SLMAP: variants seen among roughly 807,000 people sequenced by gnomAD.
SLMAP encodes the protein sarcolemmal membrane-associated protein.
In SLMAP, 44 loss-of-function variants were observed where a neutral mutation model predicts 128.8. That is an observed-to-expected ratio of 0.34 (90% CI 0.27 to 0.44). The LOEUF is 0.44. Ranked by LOEUF, SLMAP falls within the 20% of genes least tolerant of loss-of-function variation. The probability of loss-of-function intolerance (pLI) is 1.00; values close to 1 mark genes in which losing one functional copy is unlikely to be tolerated. For missense variants in SLMAP, 787 were observed against 985.3 expected (o/e 0.80, Z 2.69); for synonymous variants, 327 against 348.8 (o/e 0.94, Z 0.70).
intron 2 of SLMAP, among the ~76,000 whole-genome samples, chr3:57,787,463 G>A (rs2153470502): frequency 6.6e-6 from 1 of 152,202 alleles, no homozygotes; most frequent in Non-Finnish European, 1.5e-5. Flanking sequence ...GAATTATGTA[G>A]CATTTGCTTA....
At chr3:57,919,584 C>T (rs1322858770) in intron 22 of SLMAP, among the ~76,000 whole-genome samples, 4 of 151,778 alleles carry the variant, frequency 2.6e-5, no homozygotes, top group Non-Finnish European at 4.4e-5. Context: ...CACCTGAGGT[C>T]GGCAGTTCGA....
At chr3:57,834,279 G>C (rs1003829389) in intron 3 of SLMAP, among the ~76,000 whole-genome samples, 1 of 151,970 alleles carries the variant, frequency 6.6e-6, no homozygotes, top group Non-Finnish European at 1.5e-5. Flanking sequence ...TTCTACAAGG[G>C]ATAAACAAAC....
intron 2 of SLMAP, among the ~76,000 whole-genome samples, chr3:57,811,988 T>A (rs2153515084): frequency 6.6e-6 from 1 of 152,350 alleles, no homozygotes; most frequent in South Asian, 2.1e-4. Context: ...CCTTATCAAA[T>A]GTATGATTTG....
chr3:57,823,474 G>T (rs796411556), intron 2 of SLMAP, among the ~76,000 whole-genome samples: 1 of 151,162 alleles, frequency 6.6e-6, no homozygotes, highest in African/African-American at 2.4e-5. Context: ...GTGGTGTTTG[G>T]TTTTTTGTCC....
chr3:57,816,986 G>A (rs2091932849), intron 2 of SLMAP, among the ~76,000 whole-genome samples: 2 of 152,194 alleles, frequency 1.3e-5, no homozygotes, highest in African/African-American at 4.8e-5. Context: ...GAGAAAAAGA[G>A]GAAGATTAGG....
intron 14 of SLMAP, among the ~76,000 whole-genome samples, chr3:57,885,638 C>G (rs932359672): frequency 6.6e-6 from 1 of 151,350 alleles, no homozygotes; most frequent in Non-Finnish European, 1.5e-5. Context: ...AGGCTGGTCT[C>G]AAACTCCCGA....
At chr3:57,776,485 C>T (rs1330978472) in intron 2 of SLMAP, among the ~76,000 whole-genome samples, 1 of 145,718 alleles carries the variant, frequency 6.9e-6, no homozygotes, top group East Asian at 2.1e-4. Context: ...CCAATTTCCA[C>T]AATTCTCCCT....
At chr3:57,849,945 A>G in intron 6 of SLMAP, 129 bp downstream of exon 6, 1 of 626,434 alleles carries the variant, frequency 1.6e-6, no homozygotes, top group Non-Finnish European at 2.8e-6. Flanking sequence ...AGGCCTAGGC[A>G]GAAGGATTCT....
chr3:57,771,753 A>G (rs2080945900), intron 2 of SLMAP, among the ~76,000 whole-genome samples: 1 of 152,156 alleles, frequency 6.6e-6, no homozygotes, highest in African/African-American at 2.4e-5. Flanking sequence ...ATATCTTTTG[A>G]GTTCCCTAAA....
intron 2 of SLMAP, among the ~76,000 whole-genome samples, chr3:57,817,263 T>C (rs1196667982): frequency 6.6e-6 from 1 of 152,186 alleles, no homozygotes; most frequent in African/African-American, 2.4e-5. Flanking sequence ...TCATAGGAAT[T>C]GGTGACACAT....
intron 19 of SLMAP, among the ~76,000 whole-genome samples, chr3:57,910,571 C>A (rs1374916466): frequency 2.0e-5 from 3 of 152,176 alleles, no homozygotes; most frequent in African/African-American, 7.2e-5. Flanking sequence ...CACCATTTTG[C>A]TATTTCTTTG....
chr3:57,776,920 A>T (rs1428890761), intron 2 of SLMAP, among the ~76,000 whole-genome samples: 1 of 152,068 alleles, frequency 6.6e-6, no homozygotes, highest in East Asian at 1.9e-4. Flanking sequence ...TTATTTGATT[A>T]TTATGGCCCT....
chr3:57,803,958 T>C (rs1482696995), intron 2 of SLMAP, among the ~76,000 whole-genome samples: 2 of 152,254 alleles, frequency 1.3e-5, no homozygotes, highest in Non-Finnish European at 2.9e-5. Context: ...TCTGAAAATA[T>C]GCTTCCTGTT....
At chr3:57,816,011 G>A (rs1358327812) in intron 2 of SLMAP, among the ~76,000 whole-genome samples, 1 of 152,156 alleles carries the variant, frequency 6.6e-6, no homozygotes, top group Non-Finnish European at 1.5e-5. Flanking sequence ...TCTGAGGTAG[G>A]TACTGATGCC....
At chr3:57,883,794 C>T (rs957225361) in intron 14 of SLMAP, among the ~76,000 whole-genome samples, 1 of 152,170 alleles carries the variant, frequency 6.6e-6, no homozygotes, top group Middle Eastern at 3.4e-3. Context: ...CTTCAGAAAA[C>T]CAAGTTAAAA....
At chr3:57,794,944 G>A (rs1177604372) in intron 2 of SLMAP, among the ~76,000 whole-genome samples, 1 of 152,148 alleles carries the variant, frequency 6.6e-6, no homozygotes, top group Non-Finnish European at 1.5e-5. Flanking sequence ...ACATACCTTG[G>A]AATTGAATTG....
chr3:57,807,001 GT>G (rs1188232895), intron 2 of SLMAP, among the ~76,000 whole-genome samples: 2 of 152,094 alleles, frequency 1.3e-5, no homozygotes, highest in Non-Finnish European at 1.5e-5. Flanking sequence ...AAGTGTTCCT[GT>G]TTCTCCACAG....
chr3:57,862,129 C>A, intron 10 of SLMAP, 43 bp downstream of exon 10: 3 of 1,472,248 alleles, frequency 2.0e-6, no homozygotes, highest in Middle Eastern at 2.3e-4. Flanking sequence ...GCTAATAATC[C>A]CTAACACACT....
intron 6 of SLMAP, among the ~76,000 whole-genome samples, chr3:57,853,941 CAA>C (rs767741519): frequency 2.6e-4 from 10 of 38,108 alleles, no homozygotes; most frequent in African/African-American, 1.1e-3. Context: ...AATTCTGTCT[CAA>C]AAAAAAAAAA....
Sources: gnomAD v4.1 joint callset for allele counts (sites outside exome capture counted in the v4.1 genomes callset) on GRCh38, gnomAD v4.1.1 for gene constraint, MANE v1.5 for transcripts, NCBI Gene and HGNC (gene_info 2026-07-23, HGNC 2026-07-21) for gene names.